Variants in GPCPD1 observed in about 807,000 individuals in gnomAD.
GPCPD1 encodes glycerophosphocholine phosphodiesterase 1.
In GPCPD1, 29 loss-of-function variants were observed where a neutral mutation model predicts 89.2. The observed-to-expected ratio is 0.33, with a 90% CI of 0.24 to 0.44. The LOEUF (loss-of-function observed/expected upper bound fraction) is 0.44, where lower values mean the gene tolerates loss of function less well. GPCPD1 is among the 20% of genes least tolerant of loss of function. GPCPD1 has a pLI of 1.00. For missense variants in GPCPD1, 594 were observed against 808.9 expected (o/e 0.73, Z 3.22); for synonymous variants, 258 against 266.3 (o/e 0.97, Z 0.30).
chr20:5,599,644 T>C (rs1309535579), intron 2 of GPCPD1, among the ~76,000 whole-genome samples: 1 of 151,860 alleles, frequency 6.6e-6, no homozygotes, highest in African/African-American at 2.4e-5. Context: ...AACCTCCACC[T>C]CCCAGGTTCA....
At chr20:5,605,715 T>G (rs901632796) in intron 1 of GPCPD1, among the ~76,000 whole-genome samples, 1 of 151,962 alleles carries the variant, frequency 6.6e-6, no homozygotes, top group East Asian at 1.9e-4. Context: ...GAGGTGGAGG[T>G]TGAGGTGAGC....
chr20:5,593,447 T>C (rs1050892624), intron 3 of GPCPD1, 36 bp from the exon 4 acceptor site: 4 of 1,083,122 alleles, frequency 3.7e-6, no homozygotes, highest in Non-Finnish European at 5.7e-6. Context: ...GCAGCATCAA[T>C]ATCAAACTAC....
At chr20:5,576,630 G>A (rs947519507) in intron 8 of GPCPD1, among the ~76,000 whole-genome samples, 2 of 152,032 alleles carry the variant, frequency 1.3e-5, no homozygotes, top group Non-Finnish European at 2.9e-5. Flanking sequence ...TATAAGCACT[G>A]CTCGAAAATT....
intron 3 of GPCPD1, among the ~76,000 whole-genome samples, chr20:5,597,042 T>G (rs1408091850): frequency 6.6e-6 from 1 of 152,184 alleles, no homozygotes; most frequent in Non-Finnish European, 1.5e-5. Flanking sequence ...GAGGTTTCAC[T>G]TCAGACCAGA....
chr20:5,544,587 A>T lies in GPCPD1; in HGVS notation c.*3074T>A, dbSNP rs1984950566. ...CACATAAGAAGCTGGACTACAAGGA[A>T]GCATGAGCTAACAAATGCCAGACTT... is the stretch of plus-strand genomic sequence containing the variant. On this transcript the variant is annotated 3_prime_UTR_variant, in exon 20 of 20. Coordinates refer to ENST00000379019, the MANE Select transcript of GPCPD1 (RefSeq NM_019593.5). 6.6e-6 allele frequency: 1 copy of T among 152,270 alleles called. No homozygotes were observed. The highest frequency in any genetic ancestry group is 1.5e-5 in the Non-Finnish European group (1 of 68,060). The allele number at this position is 152,270 out of a possible 1,614,324, so 9.4% of individuals were successfully genotyped here. A position where few individuals can be genotyped will look rare whatever the true frequency, so the allele number is the denominator to read the frequency against.
At chr20:5,589,195 A>G (rs1979150140) in intron 4 of GPCPD1, among the ~76,000 whole-genome samples, 2 of 152,198 alleles carry the variant, frequency 1.3e-5, no homozygotes, top group South Asian at 4.1e-4. Context: ...ATTGGTTGGT[A>G]AACTGTTATA....
chr20:5,581,741 T>C (rs1280519682), intron 6 of GPCPD1, among the ~76,000 whole-genome samples: 9 of 141,486 alleles, frequency 6.4e-5, no homozygotes, highest in Admixed American at 1.5e-4. Flanking sequence ...TCAAAATAAA[T>C]AAATACCAAG....
chr20:5,601,898 A>G (rs543671570), intron 2 of GPCPD1, among the ~76,000 whole-genome samples: 15 of 147,954 alleles, frequency 1.0e-4, no homozygotes, highest in Admixed American at 8.2e-4. Flanking sequence ...ATGGCTGCTG[A>G]AAATGAGGAA....
intron 8 of GPCPD1, 41 bp downstream of exon 8, chr20:5,578,339 C>A (rs752585125): frequency 5.1e-6 from 6 of 1,171,802 alleles, no homozygotes; most frequent in African/African-American, 1.5e-5. Flanking sequence ...AAGCTTGTCC[C>A]TGCATTCTTT....
intron 5 of GPCPD1, 153 bp from the exon 6 acceptor site, chr20:5,584,475 C>A: frequency 2.1e-6 from 1 of 468,732 alleles, no homozygotes; most frequent in Admixed American, 4.2e-5. Flanking sequence ...TTGTAGCCCT[C>A]AATAAAGAAT....
intron 15 of GPCPD1, among the ~76,000 whole-genome samples, chr20:5,564,001 A>C (rs545632477): frequency 6.6e-6 from 1 of 152,052 alleles, no homozygotes; most frequent in Non-Finnish European, 1.5e-5. Context: ...AAAACTACCT[A>C]TTTTTGCCTA....
chr20:5,587,457 TCCTGGGTTCAAGTGATTCC>T (rs1979004035), intron 4 of GPCPD1, among the ~76,000 whole-genome samples: 1 of 151,920 alleles, frequency 6.6e-6, no homozygotes, highest in African/African-American at 2.4e-5. Context: ...CACCCTTGCC[TCCTGGGTTCAAGTGATTCC>T]CCTGCCTCGG....
At chr20:5,596,161 G>T (rs1437222919) in intron 3 of GPCPD1, among the ~76,000 whole-genome samples, 2 of 152,180 alleles carry the variant, frequency 1.3e-5, no homozygotes, top group Non-Finnish European at 2.9e-5. Flanking sequence ...CACGCTGGGA[G>T]GCTGAGGCGG....
chr20:5,597,083 G>A (rs1411078055), intron 3 of GPCPD1, among the ~76,000 whole-genome samples: 1 of 152,092 alleles, frequency 6.6e-6, no homozygotes, highest in African/African-American at 2.4e-5. Context: ...AGAAAAAATA[G>A]CCACTTGAAG....
chr20:5,572,331 C>T (rs1986771846), intron 11 of GPCPD1, among the ~76,000 whole-genome samples: 1 of 152,048 alleles, frequency 6.6e-6, no homozygotes, highest in Admixed American at 6.5e-5. Flanking sequence ...AAAGATAAAA[C>T]AATCTACTAA....
intron 15 of GPCPD1, among the ~76,000 whole-genome samples, chr20:5,564,336 A>G (rs1335869990): frequency 6.6e-6 from 1 of 151,810 alleles, no homozygotes; most frequent in Admixed American, 6.6e-5. Context: ...GTTAAAAAAA[A>G]AAAACCAAAA....
intron 15 of GPCPD1, 90 bp from the exon 16 acceptor site, chr20:5,561,620 A>T (rs552202218): frequency 1.6e-6 from 1 of 630,744 alleles, no homozygotes; most frequent in African/African-American, 1.9e-5. Flanking sequence ...ACTAAAAATA[A>T]TAAGAATTTA....
intron 4 of GPCPD1, among the ~76,000 whole-genome samples, chr20:5,586,701 T>C (rs1600774774): frequency 6.6e-6 from 1 of 152,186 alleles, no homozygotes; most frequent in African/African-American, 2.4e-5. Context: ...TAAACAAGCC[T>C]ACAATAGTAA....
chr20:5,553,088 G>T (rs2122540722), intron 19 of GPCPD1, among the ~76,000 whole-genome samples: 1 of 152,246 alleles, frequency 6.6e-6, no homozygotes, highest in South Asian at 2.1e-4. Flanking sequence ...CAGATACTGT[G>T]TTTCTTACAA....
Sources: gnomAD v4.1 joint callset for allele counts (sites outside exome capture counted in the v4.1 genomes callset) on GRCh38, gnomAD v4.1.1 for gene constraint, MANE v1.5 for transcripts, NCBI Gene and HGNC (gene_info 2026-07-23, HGNC 2026-07-21) for gene names.